URB1: variants seen among roughly 807,000 people sequenced by gnomAD.
URB1 encodes the protein URB1 ribosome biogenesis factor.
URB1 carries 197 observed loss-of-function variants against 242.3 expected under a neutral mutation model. The observed-to-expected ratio is 0.81, with a 90% CI of 0.72 to 0.91. URB1 has a LOEUF of 0.91. URB1 is among the 40% of genes least tolerant of loss of function. The pLI, the probability that URB1 is intolerant of heterozygous loss-of-function variation, is 0.00. For missense variants in URB1, 2,721 were observed against 2,860.5 expected, an observed-to-expected ratio of 0.95 and a Z score of 1.11; for synonymous variants, 1,153 against 1,201.8, an observed-to-expected ratio of 0.96 and a Z score of 0.84.
intron 28 of URB1, among the ~76,000 whole-genome samples, chr21:32,336,504 C>A (rs970557821): frequency 5.3e-5 from 8 of 152,200 alleles, no homozygotes; most frequent in African/African-American, 1.9e-4. Flanking sequence ...TTTGATCAAG[C>A]TCCTGCTTAG....
At position 32,357,531 on chromosome 21, in the gene URB1, G is replaced by C; in HGVS notation, c.1989+6C>G. 2 of 1,500,170 alleles carry C rather than the reference G, an allele frequency of 1.3e-6. No homozygotes were observed. Among genetic ancestry groups the C allele is most frequent in the Non-Finnish European group, 1.8e-6 (2 of 1,128,612 alleles). 92.9% of individuals were successfully genotyped at this position (1,500,170 alleles called of 1,614,324 possible). The stretch of plus-strand genomic sequence containing the variant: ...TCAGAGTTAGAAACTGGTAGAAAAT[G>C]CTCACCTTCATGATCAGAAGTTTGG... On this transcript the variant is annotated splice_donor_region_variant and intron_variant, in intron 15 of 38. Coordinates refer to ENST00000382751, the MANE Select transcript of URB1 (RefSeq NM_014825.3).
At chr21:32,338,111 G>A (rs1568815316) in intron 26 of URB1, among the ~76,000 whole-genome samples, 2 of 152,190 alleles carry the variant, frequency 1.3e-5, no homozygotes, top group Admixed American at 6.5e-5. Context: ...TGACCCTGTG[G>A]TGATTGCTAA....
At chr21:32,336,377 C>T (rs1468382056) in intron 28 of URB1, among the ~76,000 whole-genome samples, 1 of 151,528 alleles carries the variant, frequency 6.6e-6, no homozygotes, top group African/African-American at 2.4e-5. Context: ...CCTGGCTGAA[C>T]ACACACACAC....
chr21:32,315,238 A>C, intron 38 of URB1, 139 bp from the exon 39 acceptor site: 1 of 640,340 alleles, frequency 1.6e-6, no homozygotes, highest in Non-Finnish European at 2.4e-6. Flanking sequence ...AGGTGAGCAC[A>C]CCGATACAAC....
chr21:32,349,520 G>C lies in URB1; in HGVS notation c.2833-37C>G, dbSNP rs550431392. The stretch of plus-strand genomic sequence containing the variant: ...AGAGCACGAGCCTCAGCAGGGAAGA[G>C]ACGGGTTCACAGCTACCAGGCAGTG... On this transcript the variant is annotated intron_variant, in intron 20 of 38. Coordinates refer to ENST00000382751, the MANE Select transcript of URB1 (RefSeq NM_014825.3). 7.5e-5 allele frequency: 113 copies of C among 1,504,040 alleles called. 1 individual carries two copies. In the South Asian group the frequency reaches 1.3e-3, roughly 17 times the overall value. 93.2% of individuals were successfully genotyped at this position (1,504,040 alleles called of 1,614,324 possible).
chr21:32,348,522 T>A (rs2033120359), intron 21 of URB1, among the ~76,000 whole-genome samples: 1 of 152,118 alleles, frequency 6.6e-6, no homozygotes, highest in African/African-American at 2.4e-5. Flanking sequence ...GAGAATAATT[T>A]CATTCAGTCA....
chr21:32,373,788 A>G lies in URB1; in HGVS notation c.751-16T>C. ...TGTGAACTACCTGAAACAATAATAA[A>G]ACAAATTATTAAAAAACAAATTATG... On this transcript the variant is annotated splice_polypyrimidine_tract_variant and intron_variant, in intron 6 of 38. Transcript: ENST00000382751. The G allele has an allele frequency of 6.7e-7, 1 of 1,497,180 alleles. No individual in the cohort carries two copies. Among genetic ancestry groups the G allele is most frequent in the Non-Finnish European group, 8.9e-7 (1 of 1,127,054 alleles). The allele number at this position is 1,497,180 out of a possible 1,614,324, so 92.7% of individuals were successfully genotyped here.
intron 30 of URB1, among the ~76,000 whole-genome samples, chr21:32,330,115 G>A (rs145738300): frequency 2.1e-4 from 31 of 148,984 alleles, no homozygotes; most frequent in Non-Finnish European, 3.7e-4. Flanking sequence ...AATGAAATCT[G>A]TTTAAAAACC....
At position 32,383,452 on chromosome 21, in the gene URB1, C is replaced by T; in HGVS notation, c.537G>A (p.Leu179=). ...AATCCCTCTTGGTCACCAGGGTGTA[C>T]AGGGTCTTTTTATTCAAATCAAAAT... The part of the protein sequence containing the change: ...CSHFDLNKKT[L]YTLVTKRDSK... Residue 179 remains leucine (L), a synonymous_variant, in exon 4 of 39, where the codon CTG becomes CTA. Coordinates refer to ENST00000382751, the MANE Select transcript of URB1 (RefSeq NM_014825.3). 6.4e-7 allele frequency: 1 copy of T among 1,551,582 alleles called. No homozygotes were observed. Among genetic ancestry groups the T allele is most frequent in the Non-Finnish European group, 8.7e-7 (1 of 1,146,934 alleles).
At chr21:32,373,569 G>A in intron 7 of URB1, 78 bp downstream of exon 7, 1 of 1,444,690 alleles carries the variant, frequency 6.9e-7, no homozygotes, top group Non-Finnish European at 9.1e-7. Flanking sequence ...CTGGTGCGGT[G>A]TTGAGAATTC....
intron 1 of URB1, among the ~76,000 whole-genome samples, chr21:32,386,885 C>T (rs891942929): frequency 2.0e-5 from 3 of 152,236 alleles, no homozygotes; most frequent in East Asian, 3.9e-4. Flanking sequence ...TCCAGGCAGT[C>T]GGGCTCCAGA....
rs368433877 is a variant in URB1, at chr21:32,385,675, G to T, written c.152C>A (p.Ala51Glu). The T allele has an allele frequency of 7.7e-6, 12 of 1,550,786 alleles. No homozygotes were observed. In the African/African-American group the frequency reaches 8.2e-5, roughly 11 times the overall value. Residue 51 changes from alanine (A) to glutamate (E), a missense_variant, in exon 2 of 39, where the codon GCG becomes GAG. Ala to Glu is a moderately radical substitution (Grantham distance 107). Transcript: ENST00000382751. ...DPQGPGPGLE[A>E]FVSAAKKLPR... ...TAGCTTCTTGGCAGCAGACACAAACGCTTCCAAGCCTGAAAAAAAAGTTAT... is the reference window on the plus strand; with the variant it reads ...TAGCTTCTTGGCAGCAGACACAAACTCTTCCAAGCCTGAAAAAAAAGTTAT...
In URB1 at chr21:32,341,541, TA is replaced by T. The variant is rs1267326534; in HGVS notation, c.4258-18del. On this transcript the variant is annotated intron_variant, in intron 24 of 38. Coordinates refer to ENST00000382751, the MANE Select transcript of URB1 (RefSeq NM_014825.3). ...AAGTGCATGCTATGAATAAAATAAG[TA>T]AGAAAAACACATGAAACATCTCAGT... The T allele has an allele frequency of 3.9e-6, 6 of 1,549,810 alleles. No individual in the cohort carries two copies. The highest frequency in any genetic ancestry group is 5.2e-6 in the Non-Finnish European group (6 of 1,146,202).
chr21:32,360,001 T>C lies in URB1; in HGVS notation c.1757-93A>G, dbSNP rs186670811. ...GGCCAGAAGGACAAGGAACTCACCA[T>C]GGAGAAAGAAAAAGGGTGGATGCAG... On this transcript the variant is annotated intron_variant, in intron 13 of 38. Transcript: ENST00000382751. 6.4e-5 allele frequency: 74 copies of C among 1,160,466 alleles called. No homozygotes were observed. In the Admixed American group the frequency reaches 1.6e-3, roughly 25 times the overall value. The allele number at this position is 1,160,466 out of a possible 1,614,324, so 71.9% of individuals were successfully genotyped here. A position where few individuals can be genotyped will look rare whatever the true frequency, so the allele number is the denominator to read the frequency against.
At chr21:32,320,442 C>T (rs1259202321) in intron 35 of URB1, 89 bp downstream of exon 35, 1 of 1,008,426 alleles carries the variant, frequency 9.9e-7, no homozygotes, top group Non-Finnish European at 1.5e-6. Flanking sequence ...TGGACATTTC[C>T]AACCAACAAC....
At chr21:32,354,194 G>A in intron 17 of URB1, 91 bp from the exon 18 acceptor site, 2 of 1,457,412 alleles carry the variant, frequency 1.4e-6, no homozygotes, top group Non-Finnish European at 9.2e-7. Context: ...CAGAATACGT[G>A]CAAAAAGAAA....
chr21:32,344,619 T>G lies in URB1; in HGVS notation c.4208A>C (p.Asn1403Thr). The G allele has an allele frequency of 6.4e-7, 1 of 1,552,400 alleles. No homozygotes were observed. The highest frequency in any genetic ancestry group is 8.7e-7 in the Non-Finnish European group (1 of 1,147,152). Residue 1403 changes from asparagine (N) to threonine (T), a missense_variant, in exon 24 of 39, where the codon AAT becomes ACT. Transcript: ENST00000382751. Reference protein sequence around the residue: ...SFSGGQQDDDNTQNQEKEMLL... With the variant: ...SFSGGQQDDDTTQNQEKEMLL... Reference sequence around the variant, plus strand: ...CATTTCCTTCTCCTGATTCTGAGTATTATCATCATCTTGCTGTCCACCACT... The same window carrying G: ...CATTTCCTTCTCCTGATTCTGAGTAGTATCATCATCTTGCTGTCCACCACT...
chr21:32,315,085 G>A lies in URB1; in HGVS notation c.6649C>T (p.Leu2217=). ...ATGTCCTTTATGTAGAGAGACACTA[G>A]GAATGCTGCGGAGGCTGAACAAGAG... is the stretch of plus-strand genomic sequence containing the variant. ...DEATQASAAF[L]VSLYIKDIWL... is the part of the protein sequence containing the mutation. The change falls in exon 39 of 39, where the codon CTA becomes TTA. Residue 2217 remains leucine, a synonymous_variant. Coordinates refer to ENST00000382751, the MANE Select transcript of URB1 (RefSeq NM_014825.3). 14 of 1,531,504 alleles carry A rather than the reference G, an allele frequency of 9.1e-6. No homozygotes were observed. Among genetic ancestry groups the A allele is most frequent in the Non-Finnish European group, 1.2e-5 (14 of 1,133,322 alleles). The allele number at this position is 1,531,504 out of a possible 1,614,324, so 94.9% of individuals were successfully genotyped here. A position where few individuals can be genotyped will look rare whatever the true frequency, so the allele number is the denominator to read the frequency against.
chr21:32,373,803 A>G, intron 6 of URB1, 31 bp from the exon 7 acceptor site: 2 of 1,479,898 alleles, frequency 1.4e-6, no homozygotes, highest in Non-Finnish European at 1.8e-6. Context: ...ATTATTAAAA[A>G]ACAAATTATG....
Sources: allele counts gnomAD v4.1 joint callset (sites outside exome capture counted in the v4.1 genomes callset), GRCh38; gene constraint gnomAD v4.1.1; transcripts MANE v1.5; gene names NCBI Gene and HGNC (gene_info 2026-07-23, HGNC 2026-07-21).